The following PLEC variants were observed in gnomAD, a reference collection of about 807,000 sequenced individuals.
PLEC encodes the protein plectin, also known as hemidesmosomal protein 1.
In PLEC, 216 loss-of-function variants were observed where a neutral mutation model predicts 392.8. The observed-to-expected ratio is 0.55, with a 90% CI of 0.49 to 0.62. The LOEUF (loss-of-function observed/expected upper bound fraction) is 0.62. PLEC is among the 20% of genes least tolerant of loss of function. PLEC has a pLI of 0.00. For missense variants in PLEC, 6,863 were observed against 6,563.4 expected (o/e 1.05, Z -1.58); for synonymous variants, 3,621 against 2,980.6 (o/e 1.21, Z -7.00).
rs374776968 is a variant in PLEC at position 143,920,705 on chromosome 8, C to T, written c.9116G>A (p.Ser3039Asn). ...VWLEEAGQKL[S>N]IYNALKKDLL... Reference sequence around the variant, plus strand: ...GTCTTTCTTCAGGGCATTGTAGATACTCAGCTTCTGCCCCGCCTCCTCCAG... The same window carrying T: ...GTCTTTCTTCAGGGCATTGTAGATATTCAGCTTCTGCCCCGCCTCCTCCAG... The change falls in exon 32 of 32, where the codon AGT (serine) becomes AAT (asparagine). Residue 3039 changes from serine to asparagine, a missense_variant. Transcript: ENST00000345136. 5.6e-5 allele frequency: 89 copies of T among 1,602,782 alleles called. No individual in the cohort carries two copies. The African/African-American group carries it at 1.1e-3, about 20-fold the overall frequency.
In PLEC at chr8:143,932,971, G is replaced by C; in HGVS notation, c.1559C>G (p.Ser520Cys). The C allele has an allele frequency of 6.2e-7, 1 of 1,612,166 alleles. No homozygotes were observed. The highest frequency in any genetic ancestry group is 8.5e-7 in the Non-Finnish European group (1 of 1,179,762). Residue 520 changes from serine (S) to cysteine (C), a missense_variant, in exon 14 of 32, where the codon TCC becomes TGC. Physicochemically the swap from Ser to Cys is moderately radical, Grantham distance 112 (BLOSUM62 -1). Transcript: ENST00000345136. Reference protein sequence around the residue: ...SVQRRPELEDSTLRYLQDLLA... With the variant: ...SVQRRPELEDCTLRYLQDLLA... Reference sequence around the variant, plus strand: ...CAGGTCCTGCAGGTAGCGCAGAGTGGAGTCCTCCAGCTCGGGGCGCCTCTG... The same window carrying C: ...CAGGTCCTGCAGGTAGCGCAGAGTGCAGTCCTCCAGCTCGGGGCGCCTCTG...
In PLEC at chr8:143,917,111, G is replaced by A. The variant is rs782530213; in HGVS notation, c.12710C>T (p.Ser4237Leu). 1.9e-5 allele frequency: 31 copies of A among 1,604,726 alleles called. No homozygotes were observed. The highest frequency in any genetic ancestry group is 9.0e-5 in the East Asian group (4 of 44,592). The part of the protein sequence containing the change: ...LSITEFADML[S>L]GNAGGFRSRS... The stretch of plus-strand genomic sequence containing the variant: ...GGAGCGGAAACCACCGGCGTTGCCC[G>A]AGAGCATGTCGGCGAACTCGGTGAT... Residue 4237 changes from serine to leucine, a missense_variant, in exon 32 of 32, where the codon TCG (serine) becomes TTG (leucine). Coordinates refer to ENST00000345136, the MANE Select transcript of PLEC (RefSeq NM_201384.3).
chr8:143,960,268 G>C (rs1312338572), intron 1 of PLEC, among the ~76,000 whole-genome samples: 3 of 150,036 alleles, frequency 2.0e-5, no homozygotes, highest in African/African-American at 7.4e-5. Flanking sequence ...GGCAACAAGA[G>C]CGAAACTCCG....
Position 143,923,937 on chromosome 8 carries a change from C to G in PLEC, c.5992G>C (p.Glu1998Gln), listed in dbSNP as rs2131362462. ...ERVQKSLAAEEEAARQRKAAL... is the reference protein window; with the variant it reads ...ERVQKSLAAEQEAARQRKAAL... ...GCCTTCCGCTGCCGTGCGGCCTCCTCCTCGGCCGCCAGGCTCTTCTGCACG... is the reference window on the plus strand; with the variant it reads ...GCCTTCCGCTGCCGTGCGGCCTCCTGCTCGGCCGCCAGGCTCTTCTGCACG... Residue 1998 changes from glutamate (E) to glutamine (Q), a missense_variant, in exon 31 of 32, where the codon GAG becomes CAG. Physicochemically the swap from Glu to Gln is conservative, Grantham distance 29. Transcript: ENST00000345136. 1.9e-6 allele frequency: 3 copies of G among 1,594,318 alleles called. No homozygotes were observed. The highest frequency in any genetic ancestry group is 1.3e-5 in the African/African-American group (1 of 74,916).
Position 143,927,341 on chromosome 8 carries a change from T to C in PLEC, c.3757-6A>G, listed in dbSNP as rs11136333. The C allele has an allele frequency of 0.39, 624,646 of 1,611,868 alleles. 127,623 individuals are homozygous for C. The highest frequency in any genetic ancestry group is 0.42 in the Non-Finnish European group (496,824 of 1,179,254). ...TCGATCTCCTCCAGCAGGGCCTGGG[T>C]GATGGTGTGGTCAGAGCCGTGGCCG... is the stretch of plus-strand genomic sequence containing the variant. On this transcript the variant is annotated splice_polypyrimidine_tract_variant and splice_region_variant and intron_variant, in intron 27 of 31. Coordinates refer to ENST00000345136, the MANE Select transcript of PLEC (RefSeq NM_201384.3).
At chr8:143,933,156 C>T (rs781907043) in intron 13 of PLEC, 41 bp downstream of exon 13, 62 of 1,382,910 alleles carry the variant, frequency 4.5e-5, no homozygotes, top group African/African-American at 2.0e-4. Flanking sequence ...GGCCTGGGGC[C>T]GTGTGTACCT....
upstream of PLEC, among the ~76,000 whole-genome samples, chr8:143,941,530 A>G (rs1037510514): frequency 6.6e-6 from 1 of 151,476 alleles, no homozygotes; most frequent in Non-Finnish European, 1.5e-5. Context: ...GGGGCGGGGC[A>G]GGGCTGGGAC....
chr8:143,971,282 T>C lies in PLEC; in HGVS notation c.70+2121A>G, dbSNP rs1170303665. On this transcript the variant is annotated intron_variant, in intron 1 of 31. Transcript: ENST00000356346. The stretch of plus-strand genomic sequence containing the variant: ...GGCCTAAGCCAGAGCACCTCCTCAG[T>C]GCAGGGATCAGCTGGGCAGGGGGCA... Among the ~76,000 whole-genome samples, 39 of 152,094 alleles carry C rather than the reference T, an allele frequency of 2.6e-4. 1 individual carries two copies. Among genetic ancestry groups the C allele is most frequent in the Non-Finnish European group, 4.4e-5 (3 of 67,970 alleles).
chr8:143,956,629 C>A (rs116666586), upstream of PLEC, among the ~76,000 whole-genome samples: 11 of 152,356 alleles, frequency 7.2e-5, no homozygotes, highest in African/African-American at 2.6e-4. Context: ...CACAGCTGTT[C>A]AGAGAAGGAA....
rs1554689778 is a variant in PLEC at position 143,922,527 on chromosome 8, G to A, written c.7402C>T (p.Leu2468=). The A allele has an allele frequency of 6.2e-7, 1 of 1,611,316 alleles. No homozygotes were observed. Among genetic ancestry groups the A allele is most frequent in the East Asian group, 2.2e-5 (1 of 44,900 alleles). ...EKEKLQQEAK[L]LQLKSEEMQT... ...ACCTCCTCAGACTTGAGCTGCAGCA[G>A]TTTGGCCTCCTGTTGGAGCTTCTCC... Residue 2468 remains leucine (L), a synonymous_variant, in exon 31 of 32, where the codon CTG becomes TTG. Coordinates refer to ENST00000345136, the MANE Select transcript of PLEC (RefSeq NM_201384.3).
At chr8:143,950,036 C>T (rs372238178) in intron 1 of PLEC, 30 of 1,071,534 alleles carry the variant, frequency 2.8e-5, no homozygotes, top group East Asian at 2.6e-4. Context: ...CCCTGACCCT[C>T]GGCTAGGGGG....
In PLEC at chr8:143,919,171, C is replaced by G; in HGVS notation, c.10650G>C (p.Glu3550Asp). 6.2e-7 allele frequency: 1 copy of G among 1,613,770 alleles called. No individual in the cohort carries two copies. Among genetic ancestry groups the G allele is most frequent in the Non-Finnish European group, 8.5e-7 (1 of 1,180,034 alleles). Residue 3550 changes from glutamate to aspartate, a missense_variant, in exon 32 of 32, where the codon GAG becomes GAC. Transcript: ENST00000345136. ...LLPLKGAEKA[E>D]VVETTQVYTE... is the part of the protein sequence containing the mutation. ...TGTACACCTGCGTGGTCTCCACCACCTCAGCCTTCTCCGCCCCTTTCAGTG... is the reference window on the plus strand; with the variant it reads ...TGTACACCTGCGTGGTCTCCACCACGTCAGCCTTCTCCGCCCCTTTCAGTG...
chr8:143,920,722 C>T lies in PLEC; in HGVS notation c.9099G>A (p.Glu3033=), dbSNP rs1554682752. The change falls in exon 32 of 32, where the codon GAG becomes GAA. Residue 3033 remains glutamate (E), a synonymous_variant. Transcript: ENST00000345136. ...ANVIAGVWLE[E]AGQKLSIYNA... is the part of the protein sequence containing the mutation. ...TGTAGATACTCAGCTTCTGCCCCGC[C>T]TCCTCCAGCCATACACCCGCGATGA... is the stretch of plus-strand genomic sequence containing the variant. 1 of 1,603,542 alleles carries T rather than the reference C, an allele frequency of 6.2e-7. No homozygotes were observed. Among genetic ancestry groups the T allele is most frequent in the South Asian group, 1.1e-5 (1 of 91,086 alleles).
rs782743232 is a variant in PLEC at position 143,920,363 on chromosome 8, G to A, written c.9458C>T (p.Pro3153Leu). 1 of 1,593,748 alleles carries A rather than the reference G, an allele frequency of 6.3e-7. No individual in the cohort carries two copies. Among genetic ancestry groups the A allele is most frequent in the East Asian group, 2.2e-5 (1 of 44,552 alleles). ...IVDPSKSHRV[P>L]LDVACARGCL... Reference sequence around the variant, plus strand: ...GCCTCGGGCGCAGGCGACATCCAGGGGCACGCGGTGGCTCTTGCTGGGGTC... The same window carrying A: ...GCCTCGGGCGCAGGCGACATCCAGGAGCACGCGGTGGCTCTTGCTGGGGTC... The change falls in exon 32 of 32, where the codon CCC (proline) becomes CTC (leucine). Residue 3153 changes from proline (P) to leucine (L), a missense_variant. Pro to Leu is a moderately conservative substitution (Grantham distance 98). Coordinates refer to ENST00000345136, the MANE Select transcript of PLEC (RefSeq NM_201384.3).
chr8:143,918,766 G>A lies in PLEC; in HGVS notation c.11055C>T (p.Tyr3685=), dbSNP rs782434250. 1.9e-6 allele frequency: 3 copies of A among 1,613,096 alleles called. No homozygotes were observed. The highest frequency in any genetic ancestry group is 1.7e-6 in the Non-Finnish European group (2 of 1,180,012). ...CAGCCACGGAGCCCGTGCCATAGAG[G>A]TAGCACCAGGCGGACTCCGCCTCGA... ...EALEAESAWC[Y]LYGTGSVAGV... Residue 3685 remains tyrosine (Y), a synonymous_variant, in exon 32 of 32, where the codon TAC becomes TAT. Coordinates refer to ENST00000345136, the MANE Select transcript of PLEC (RefSeq NM_201384.3).
At chr8:143,954,247 G>A (rs1036405205), upstream of PLEC, among the ~76,000 whole-genome samples, 3 of 152,316 alleles carry the variant, frequency 2.0e-5, no homozygotes, top group Non-Finnish European at 4.4e-5. The surrounding 1 kb of genome is among the most constrained non-coding windows in gnomAD (Gnocchi z 4.6). Flanking sequence ...CCCAACTCCA[G>A]GGCCTGGGCT....
At chr8:143,948,479 C>T (rs1831754574) in intron 1 of PLEC, among the ~76,000 whole-genome samples, 1 of 152,176 alleles carries the variant, frequency 6.6e-6, no homozygotes, top group African/African-American at 2.4e-5. Context: ...CCACACCCCA[C>T]ATCCGAGCCG....
At chr8:143,957,023 A>G (rs1269944640), upstream of PLEC, among the ~76,000 whole-genome samples, 1 of 152,170 alleles carries the variant, frequency 6.6e-6, no homozygotes, top group Non-Finnish European at 1.5e-5. Flanking sequence ...TAGAGGAAAC[A>G]AGTCCAGGCA....
chr8:143,924,349 C>T lies in PLEC; in HGVS notation c.5580G>A (p.Glu1860=). ...TEAEIALKEK[E]AENERLRRLA... is the part of the protein sequence containing the mutation. ...GCCGCCGCAGGCGCTCGTTCTCCGC[C>T]TCCTTCTCCTTGAGCGCGATCTCCG... The change falls in exon 31 of 32, where the codon GAG becomes GAA. Residue 1860 remains glutamate, a synonymous_variant. Coordinates refer to ENST00000345136, the MANE Select transcript of PLEC (RefSeq NM_201384.3). 6.3e-7 allele frequency: 1 copy of T among 1,597,148 alleles called. No individual in the cohort carries two copies. Among genetic ancestry groups the T allele is most frequent in the Non-Finnish European group, 8.5e-7 (1 of 1,178,800 alleles).
Sources: gnomAD v4.1 joint callset for allele counts (sites outside exome capture counted in the v4.1 genomes callset) on GRCh38, gnomAD v4.1.1 for gene constraint, Gnocchi (gnomAD v3.1) non-coding constraint, MANE v1.5 for transcripts, NCBI Gene and HGNC (gene_info 2026-07-23, HGNC 2026-07-21) for gene names.